Variants in BAHCC1 observed in about 807,000 individuals in gnomAD.
BAHCC1 encodes the protein BAH and coiled-coil domain-containing protein 1.
A neutral mutation model predicts 88.2 loss-of-function variants in BAHCC1; 43 were observed. The ratio of observed to expected loss-of-function variants is 0.49; its 90% confidence interval spans 0.38 to 0.63. The LOEUF (loss-of-function observed/expected upper bound fraction) is 0.63. Among genes scored for constraint, BAHCC1 ranks in the 20% least tolerant of loss-of-function variants. The pLI, the probability that BAHCC1 is intolerant of heterozygous loss-of-function variation, is 0.00. For synonymous variants in BAHCC1, 1,510 were observed against 745.5 expected (o/e 2.03, Z -16.71); for missense variants, 3,023 against 1,654.8 (o/e 1.83, Z -14.34).
At chr17:81,455,443 C>T in intron 15 of BAHCC1, 53 bp downstream of exon 15, 1 of 702,118 alleles carries the variant, frequency 1.4e-6, no homozygotes, top group Non-Finnish European at 2.6e-6. Flanking sequence ...CCCTTCAGGT[C>T]CCTTCCTGGC....
chr17:81,453,832 G>GC (rs1483361066), intron 14 of BAHCC1, among the ~76,000 whole-genome samples: 1 of 152,280 alleles, frequency 6.6e-6, no homozygotes, highest in Non-Finnish European at 1.5e-5. Context: ...ACTCATCCAG[G>GC]CAGTGGTGGC....
rs2064329283 is a variant in BAHCC1 at position 81,435,922 on chromosome 17, T to G, written c.359-2448T>G. ...GAACAGCTGCTCTGATTCATAAAAA[T>G]CATTTTTAAATTTTCTTTCTCAGTT... On this transcript the variant is annotated intron_variant, in intron 3 of 27. Coordinates refer to ENST00000675386, the MANE Select transcript of BAHCC1 (RefSeq NM_001377448.1). This position sits in a 1 kb window ranked among gnomAD's most constrained non-coding sequence, Gnocchi z 4.4. Among the ~76,000 whole-genome samples, 1 of 152,230 alleles carries G rather than the reference T, an allele frequency of 6.6e-6. No individual in the cohort carries two copies.
intron 2 of BAHCC1, among the ~76,000 whole-genome samples, chr17:81,425,662 TTGG>T (rs1555650319): frequency 9.8e-6 from 1 of 101,864 alleles, no homozygotes; most frequent in African/African-American, 4.1e-5. Context: ...GGTGATGTGG[TTGG>T]TGGTGATGGT....
intron 4 of BAHCC1, among the ~76,000 whole-genome samples, chr17:81,439,101 G>A (rs2064376848): frequency 6.6e-6 from 1 of 152,162 alleles, no homozygotes; most frequent in South Asian, 2.1e-4. Context: ...TTGGGGAAGA[G>A]GAAGCTCAGG....
intron 10 of BAHCC1, among the ~76,000 whole-genome samples, chr17:81,446,310 A>G (rs1478723556): frequency 6.6e-6 from 1 of 151,440 alleles, no homozygotes; most frequent in Non-Finnish European, 1.5e-5. Flanking sequence ...TTAATGGGAC[A>G]TGATGCCTCT....
chr17:81,451,876 T>TGG lies in BAHCC1; in HGVS notation c.4179+7_4179+8dup, dbSNP rs1423221629. 1.4e-6 allele frequency: 1 copy of TGG among 724,916 alleles called. No homozygotes were observed. The highest frequency in any genetic ancestry group is 2.5e-6 in the Non-Finnish European group (1 of 396,710). 44.9% of individuals were successfully genotyped at this position (724,916 alleles called of 1,614,324 possible). ...GGACCCCCAAGACCAAGCCTGTGAG[T>TGG]GGAGGTCCCAGTGCCCACGTCGCCC... is the stretch of plus-strand genomic sequence containing the variant. On this transcript the variant is annotated splice_region_variant and intron_variant, in intron 12 of 27. Coordinates refer to ENST00000675386, the MANE Select transcript of BAHCC1 (RefSeq NM_001377448.1).
intron 9 of BAHCC1, 78 bp from the exon 10 acceptor site, chr17:81,445,276 G>A: frequency 1.4e-6 from 1 of 723,240 alleles, no homozygotes; most frequent in Non-Finnish European, 2.6e-6. Flanking sequence ...CTGGCCTCTG[G>A]CAGGATGAAC....
chr17:81,399,619 CG>C lies in BAHCC1; in HGVS notation c.-120del. On this transcript the variant is annotated 5_prime_UTR_variant, in exon 2 of 28. Coordinates refer to ENST00000675386, the MANE Select transcript of BAHCC1 (RefSeq NM_001377448.1). The surrounding 1 kb of genome is among the most constrained non-coding windows in gnomAD (Gnocchi z 4.5). ...CCTCCCGCGTGCTGACCGGCCCCGC[CG>C]CCACCACCGCCTGTGACCCCGGACG... 1 of 631,264 alleles carries C rather than the reference CG, an allele frequency of 1.6e-6. No individual in the cohort carries two copies. 39.1% of individuals were successfully genotyped at this position (631,264 alleles called of 1,614,324 possible). A position where few individuals can be genotyped will look rare whatever the true frequency, so the allele number is the denominator to read the frequency against.
rs1241005697 is a variant in BAHCC1, at chr17:81,461,646, C to T, written c.6983C>T (p.Ser2328Phe). ...SSSSGSSTSS[S>F]SGSVSTSSLC... ...TCCTCTGGCTCGTCCACCTCCTCCTCCTCAGGCTCCGTGTCCACCTCCAGC... is the reference window on the plus strand; with the variant it reads ...TCCTCTGGCTCGTCCACCTCCTCCTTCTCAGGCTCCGTGTCCACCTCCAGC... The change falls in exon 26 of 28, where the codon TCC becomes TTC. Residue 2328 changes from serine (S) to phenylalanine (F), a missense_variant. By Grantham distance (155) the Ser-to-Phe change is radical (BLOSUM62 -2). Coordinates refer to ENST00000675386, the MANE Select transcript of BAHCC1 (RefSeq NM_001377448.1). 1 of 736,852 alleles carries T rather than the reference C, an allele frequency of 1.4e-6. No individual in the cohort carries two copies. The highest frequency in any genetic ancestry group is 2.5e-6 in the Non-Finnish European group (1 of 395,992). 45.6% of individuals were successfully genotyped at this position (736,852 alleles called of 1,614,324 possible). A position where few individuals can be genotyped will look rare whatever the true frequency, so the allele number is the denominator to read the frequency against.
intron 2 of BAHCC1, among the ~76,000 whole-genome samples, chr17:81,426,152 GATGTGGTTGGGGGTGATAGTGGTGGGTA>G (rs2064194790): frequency 1.3e-4 from 19 of 149,084 alleles, no homozygotes; most frequent in South Asian, 4.3e-4. Flanking sequence ...AGTGGTGGGT[GATGTGGTTGGGGGTGATAGTGGTGGGTA>G]ATGTGGTTGG....
intron 6 of BAHCC1, 117 bp from the exon 7 acceptor site, chr17:81,444,264 C>T: frequency 1.6e-6 from 1 of 634,262 alleles, no homozygotes; most frequent in East Asian, 2.7e-5. Flanking sequence ...GGGAGTCAGG[C>T]ATTGGCACCG....
At chr17:81,463,075 C>T (rs1222359708) in intron 27 of BAHCC1, 99 bp downstream of exon 27, 1 of 662,540 alleles carries the variant, frequency 1.5e-6, no homozygotes, top group Non-Finnish European at 2.8e-6. Flanking sequence ...GCACCTGGCC[C>T]CACCACACAG....
intron 14 of BAHCC1, among the ~76,000 whole-genome samples, chr17:81,453,136 T>G (rs1490312211): frequency 3.3e-5 from 5 of 152,212 alleles, no homozygotes; most frequent in Non-Finnish European, 7.3e-5. Flanking sequence ...TCTGCACACC[T>G]GGCTGTGGCA....
In BAHCC1 at chr17:81,426,855, C is replaced by T. The variant is rs1256356286; in HGVS notation, c.234C>T (p.Leu78=). The change falls in exon 3 of 28, where the codon CTC becomes CTT. Residue 78 remains leucine (L), a synonymous_variant. Transcript: ENST00000675386. The part of the protein sequence containing the change: ...SPASSFMGSF[L]TSSLGSAAST... ...CCTCCTCGTTCATGGGCAGTTTCCT[C>T]ACCAGCAGCCTGGGCTCGGCAGCCT... 6 of 399,474 alleles carry T rather than the reference C, an allele frequency of 1.5e-5. No individual in the cohort carries two copies. In the Admixed American group the frequency reaches 1.8e-4, roughly 12 times the overall value. 24.7% of individuals were successfully genotyped at this position (399,474 alleles called of 1,614,324 possible). A position where few individuals can be genotyped will look rare whatever the true frequency, so the allele number is the denominator to read the frequency against.
At chr17:81,421,202 T>C (rs1442108572) in intron 2 of BAHCC1, among the ~76,000 whole-genome samples, 1 of 152,198 alleles carries the variant, frequency 6.6e-6, no homozygotes, top group Admixed American at 6.5e-5. Flanking sequence ...GCACTTCCTT[T>C]GCCAAGAGGA....
At chr17:81,446,092 G>T (rs1011702805) in intron 10 of BAHCC1, among the ~76,000 whole-genome samples, 8 of 152,048 alleles carry the variant, frequency 5.3e-5, no homozygotes, top group Admixed American at 2.0e-4. Flanking sequence ...GTGCCTGGGT[G>T]GGGGGGTCTC....
chr17:81,460,861 C>A lies in BAHCC1; in HGVS notation c.6203-5C>A. On this transcript the variant is annotated splice_polypyrimidine_tract_variant and splice_region_variant and intron_variant, in intron 25 of 27. Transcript: ENST00000675386. Reference sequence around the variant, plus strand: ...GGGCTGACTCTGCTGGGCTTTTGCCCTCAGGTAAAGCCGAACTCCTAACCT... The same window carrying A: ...GGGCTGACTCTGCTGGGCTTTTGCCATCAGGTAAAGCCGAACTCCTAACCT... 1.3e-6 allele frequency: 1 copy of A among 766,478 alleles called. No homozygotes were observed. The highest frequency in any genetic ancestry group is 1.3e-5 in the South Asian group (1 of 74,616). 47.5% of individuals were successfully genotyped at this position (766,478 alleles called of 1,614,324 possible).
intron 2 of BAHCC1, among the ~76,000 whole-genome samples, chr17:81,408,215 G>C (rs141104225): frequency 6.6e-6 from 1 of 152,174 alleles, no homozygotes; most frequent in Admixed American, 6.5e-5. Flanking sequence ...AGTGCGTGGC[G>C]AATGCCTCGG....
chr17:81,460,626 C>A lies in BAHCC1; in HGVS notation c.6122C>A (p.Pro2041His), dbSNP rs1291975533. The change falls in exon 25 of 28, where the codon CCC becomes CAC. Residue 2041 changes from proline (P) to histidine (H), a missense_variant. Pro to His is a moderately conservative substitution (Grantham distance 77). Coordinates refer to ENST00000675386, the MANE Select transcript of BAHCC1 (RefSeq NM_001377448.1). ...EAPPPSEAAT[P>H]SLSPKAQDGP... ...CCCCCGCCTAGTGAAGCCGCCACCC[C>A]CAGCCTGTCCCCCAAAGCACAGGAC... The A allele has an allele frequency of 1.3e-6, 1 of 771,342 alleles. No individual in the cohort carries two copies. The highest frequency in any genetic ancestry group is 2.5e-5 in the East Asian group (1 of 40,674). 47.8% of individuals were successfully genotyped at this position (771,342 alleles called of 1,614,324 possible). A position where few individuals can be genotyped will look rare whatever the true frequency, so the allele number is the denominator to read the frequency against.
Sources: gnomAD v4.1 joint callset for allele counts (sites outside exome capture counted in the v4.1 genomes callset) on GRCh38, gnomAD v4.1.1 for gene constraint, Gnocchi (gnomAD v3.1) non-coding constraint, MANE v1.5 for transcripts, NCBI Gene and HGNC (gene_info 2026-07-23, HGNC 2026-07-21) for gene names.